The following FERMT2 variants were observed in gnomAD, a reference collection of about 807,000 sequenced individuals.
FERMT2 encodes FERM domain containing kindlin 2.
A neutral mutation model predicts 82.7 loss-of-function variants in FERMT2; 15 were observed. The ratio of observed to expected loss-of-function variants is 0.18; its 90% confidence interval spans 0.12 to 0.28. FERMT2 has a LOEUF of 0.28. FERMT2 is among the 10% of genes least tolerant of loss of function. The probability of loss-of-function intolerance (pLI) is 1.00; values close to 1 mark genes in which losing one functional copy is unlikely to be tolerated. For synonymous variants in FERMT2, 274 were observed against 271.5 expected (o/e 1.01, Z -0.09); for missense variants, 645 against 809.4 (o/e 0.80, Z 2.46).
At chr14:52,883,691 A>G (rs541908422) in intron 4 of FERMT2, among the ~76,000 whole-genome samples, 2 of 152,304 alleles carry the variant, frequency 1.3e-5, no homozygotes, top group South Asian at 4.1e-4. Context: ...TCGCATGTCT[A>G]ATTGTAATCC....
chr14:52,858,669 A>G (rs1884712153), intron 14 of FERMT2, 119 bp from the exon 15 acceptor site: 3 of 882,000 alleles, frequency 3.4e-6, no homozygotes. Flanking sequence ...TCCTCAAATG[A>G]TCAGTCTGTC....
chr14:52,895,918 T>A (rs1275854897), intron 3 of FERMT2, among the ~76,000 whole-genome samples: 1 of 152,240 alleles, frequency 6.6e-6, no homozygotes. Flanking sequence ...GGATGTGTTC[T>A]GAGAAATGTG....
intron 11 of FERMT2, 57 bp from the exon 12 acceptor site, chr14:52,864,679 TA>T: frequency 6.3e-7 from 1 of 1,579,942 alleles, no homozygotes; most frequent in Non-Finnish European, 8.7e-7. Context: ...CTTTCAAGTA[TA>T]AAATATAAGG....
At chr14:52,908,769 T>C (rs573340661) in intron 3 of FERMT2, among the ~76,000 whole-genome samples, 72 of 152,304 alleles carry the variant, frequency 4.7e-4, no homozygotes, top group Middle Eastern at 3.4e-3. Context: ...AATTATACCT[T>C]AACAAAGCTG....
At chr14:52,937,102 C>A (rs1203726211) in intron 2 of FERMT2, among the ~76,000 whole-genome samples, 4 of 152,018 alleles carry the variant, frequency 2.6e-5, no homozygotes, top group Non-Finnish European at 4.4e-5. Flanking sequence ...GTGGAGGTTG[C>A]AGTGAGCTTA....
rs567046649 is a variant in FERMT2, at chr14:52,867,073, A to G, written c.1274-2220T>C. Among the ~76,000 whole-genome samples the G allele has an allele frequency of 4.6e-5, 7 of 151,712 alleles. No homozygotes were observed. In the South Asian group the frequency reaches 1.5e-3, roughly 32 times the overall value. ...TCTTTCCCCCTTCCTTGTCATAGAT[A>G]AAGTTCATTAAAAAGCTTTGCCTCC... On this transcript the variant is annotated intron_variant, in intron 10 of 14. Coordinates refer to ENST00000341590, the MANE Select transcript of FERMT2 (RefSeq NM_006832.3).
chr14:52,920,723 C>A (rs564623296), intron 2 of FERMT2, among the ~76,000 whole-genome samples: 2 of 152,120 alleles, frequency 1.3e-5, no homozygotes, highest in African/African-American at 4.8e-5. Context: ...GAGGCTGAGG[C>A]GGGCAGATCA....
At chr14:52,946,005 T>C (rs912404269) in intron 2 of FERMT2, among the ~76,000 whole-genome samples, 1 of 151,940 alleles carries the variant, frequency 6.6e-6, no homozygotes, top group Non-Finnish European at 1.5e-5. Context: ...GCCTCCCGAG[T>C]AGCTGGGACT....
intron 2 of FERMT2, 80 bp downstream of exon 2, chr14:52,950,332 C>T (rs1331597308): frequency 1.4e-6 from 2 of 1,416,270 alleles, no homozygotes; most frequent in Non-Finnish European, 1.9e-6. Context: ...CAAATGGGCC[C>T]CTCCCCCGTC....
At position 52,880,987 on chromosome 14, in the gene FERMT2, A is replaced by C; in HGVS notation, c.855+49T>G. On this transcript the variant is annotated intron_variant, in intron 6 of 14. Transcript: ENST00000341590. The stretch of plus-strand genomic sequence containing the variant: ...TCCAAAAACAAACATCCATGTGAAC[A>C]AAACAAATTAATGGGGAAAAAAAAA... 3 of 1,236,764 alleles carry C rather than the reference A, an allele frequency of 2.4e-6. No homozygotes were observed. In the East Asian group the frequency reaches 7.0e-5, roughly 29 times the overall value. The allele number at this position is 1,236,764 out of a possible 1,614,324, so 76.6% of individuals were successfully genotyped here. A position where few individuals can be genotyped will look rare whatever the true frequency, so the allele number is the denominator to read the frequency against.
intron 2 of FERMT2, among the ~76,000 whole-genome samples, chr14:52,941,178 G>A (rs759768331): frequency 6.6e-6 from 1 of 152,136 alleles, no homozygotes; most frequent in Non-Finnish European, 1.5e-5. Flanking sequence ...AAGCTAACAT[G>A]TATTATGCTA....
In FERMT2 at chr14:52,858,208, T is replaced by C; in HGVS notation, c.*169A>G. On this transcript the variant is annotated 3_prime_UTR_variant, in exon 15 of 15. Transcript: ENST00000341590. ...GTTTATTATATCATAACATGATAGA[T>C]TAATAGTCGTGCTTGTTTAGTGCAC... The C allele has an allele frequency of 1.7e-6, 1 of 590,754 alleles. No homozygotes were observed. The highest frequency in any genetic ancestry group is 2.3e-5 in the South Asian group (1 of 43,648). The allele number at this position is 590,754 out of a possible 1,614,324, so 36.6% of individuals were successfully genotyped here. A position where few individuals can be genotyped will look rare whatever the true frequency, so the allele number is the denominator to read the frequency against.
intron 2 of FERMT2, among the ~76,000 whole-genome samples, chr14:52,940,576 G>T (rs1465840029): frequency 1.3e-5 from 2 of 152,112 alleles, no homozygotes; most frequent in Non-Finnish European, 2.9e-5. Flanking sequence ...TACTGTTTAT[G>T]TATCTTCTAC....
chr14:52,880,954 C>A, intron 6 of FERMT2, 82 bp downstream of exon 6: 1 of 821,544 alleles, frequency 1.2e-6, no homozygotes, highest in Non-Finnish European at 1.9e-6. Flanking sequence ...TTCCTTATTC[C>A]ACCGACTTCC....
At chr14:52,927,283 A>G (rs1889325927) in intron 2 of FERMT2, among the ~76,000 whole-genome samples, 1 of 152,102 alleles carries the variant, frequency 6.6e-6, no homozygotes, top group African/African-American at 2.4e-5. Context: ...GAAAAAAAAG[A>G]AAAAAATACA....
At position 52,950,800 on chromosome 14, in the gene FERMT2, C is replaced by CCGCCTAGCGGACCGCGGAGGGCTT. The variant is rs1278133131; in HGVS notation, c.-10+97_-10+120dup. 3.4e-5 allele frequency: 14 copies of CCGCCTAGCGGACCGCGGAGGGCTT among 417,462 alleles called. No homozygotes were observed. In the East Asian group the frequency reaches 4.3e-4, roughly 13 times the overall value. 25.9% of individuals were successfully genotyped at this position (417,462 alleles called of 1,614,324 possible). On this transcript the variant is annotated intron_variant, in intron 1 of 14. Transcript: ENST00000341590. ...CGGCGCCGCCCGCCCCACACCGTCC[C>CCGCCTAGCGGACCGCGGAGGGCTT]CGCCTAGCGGACCGCGGAGGGCTTC...
chr14:52,915,548 G>A (rs1024503418), intron 3 of FERMT2, among the ~76,000 whole-genome samples: 9 of 152,184 alleles, frequency 5.9e-5, no homozygotes, highest in South Asian at 2.1e-4. Context: ...TCAATAAACA[G>A]TGTTGGCTAG....
At chr14:52,920,101 G>C (rs1888868753) in intron 2 of FERMT2, among the ~76,000 whole-genome samples, 1 of 152,100 alleles carries the variant, frequency 6.6e-6, no homozygotes, top group African/African-American at 2.4e-5. Context: ...ATAAAGAAAA[G>C]AATGTAATTT....
intron 12 of FERMT2, among the ~76,000 whole-genome samples, chr14:52,863,930 G>T (rs1885107588): frequency 6.6e-6 from 1 of 152,082 alleles, no homozygotes; most frequent in Admixed American, 6.6e-5. Flanking sequence ...TTAACAGAAT[G>T]ATTTCTGCAA....
Sources: allele counts gnomAD v4.1 joint callset (sites outside exome capture counted in the v4.1 genomes callset), GRCh38; gene constraint gnomAD v4.1.1; transcripts MANE v1.5; gene names NCBI Gene and HGNC (gene_info 2026-07-23, HGNC 2026-07-21).